CD96: variants seen among roughly 807,000 people sequenced by gnomAD.
The protein encoded by CD96 is T-cell surface protein tactile.
In CD96, 70 loss-of-function variants were observed where a neutral mutation model predicts 71.3. The ratio of observed to expected loss-of-function variants is 0.98; its 90% CI spans 0.81 to 1.20. The LOEUF (loss-of-function observed/expected upper bound fraction) is 1.20. CD96 is among the 50% of genes most tolerant of loss of function. The pLI, the probability that CD96 is intolerant of heterozygous loss-of-function variation, is 0.00. For missense variants in CD96, 742 were observed against 677.5 expected (o/e 1.10, Z -1.06); for synonymous variants, 248 against 233.0 (o/e 1.06, Z -0.59).
At chr3:111,648,178 T>C (rs1196818227) in intron 13 of CD96, among the ~76,000 whole-genome samples, 1 of 152,218 alleles carries the variant, frequency 6.6e-6, no homozygotes, top group Non-Finnish European at 1.5e-5. Context: ...CCCATTTTTG[T>C]CTTATTGAAA....
intron 13 of CD96, among the ~76,000 whole-genome samples, chr3:111,647,961 A>C (rs62275486): frequency 0.047 from 7,216 of 152,172 alleles, 209 homozygotes; most frequent in South Asian, 0.077. Context: ...CTCAAAACTA[A>C]AACTGATTTT....
intron 8 of CD96, among the ~76,000 whole-genome samples, chr3:111,618,955 A>T (rs1938385945): frequency 6.6e-6 from 1 of 152,046 alleles, no homozygotes; most frequent in Non-Finnish European, 1.5e-5. Context: ...TTTATTTGGC[A>T]TATAGTAGGT....
chr3:111,545,337 G>C lies in CD96; in HGVS notation c.353G>C (p.Cys118Ser), dbSNP rs139743881. 5.6e-6 allele frequency: 9 copies of C among 1,614,048 alleles called. No homozygotes were observed. Among genetic ancestry groups the C allele is most frequent in the Non-Finnish European group, 7.6e-6 (9 of 1,179,898 alleles). Residue 118 changes from cysteine (C) to serine (S), a missense_variant, in exon 2 of 14, where the codon TGT becomes TCT. Cys to Ser is a moderately radical substitution (Grantham distance 112). Transcript: ENST00000352690. The part of the protein sequence containing the change: ...MSCSVSGRYE[C>S]MLVLYPEGIQ... ...TGTTCAGTCAGTGGAAGGTACGAGT[G>C]TATGCTTGTTCTGTATCCAGAGGGC... is the stretch of plus-strand genomic sequence containing the variant.
intron 2 of CD96, among the ~76,000 whole-genome samples, chr3:111,553,427 CTTTTTTCT>C (rs1934823681): frequency 8.1e-6 from 1 of 123,160 alleles, no homozygotes; most frequent in South Asian, 2.6e-4. Context: ...TTTAGGTTTT[CTTTTTTCT>C]TTTTTTTTTT....
At chr3:111,562,657 A>G (rs980159765) in intron 2 of CD96, among the ~76,000 whole-genome samples, 2 of 152,244 alleles carry the variant, frequency 1.3e-5, no homozygotes, top group Non-Finnish European at 1.5e-5. Context: ...ACTTAAATCC[A>G]TTAGGCTTCC....
chr3:111,601,008 T>A, intron 7 of CD96, 94 bp downstream of exon 7: 1 of 816,352 alleles, frequency 1.2e-6, no homozygotes, highest in Non-Finnish European at 2.0e-6. Context: ...TTCCATAACG[T>A]TTTAATCTCA....
At chr3:111,586,628 A>G (rs1936727515) in intron 5 of CD96, among the ~76,000 whole-genome samples, 2 of 152,234 alleles carry the variant, frequency 1.3e-5, no homozygotes, top group Admixed American at 1.3e-4. Flanking sequence ...GCGGAAGGCA[A>G]GAAGGAGCAC....
chr3:111,623,261 G>T (rs1476099991), intron 8 of CD96, among the ~76,000 whole-genome samples: 12 of 151,958 alleles, frequency 7.9e-5, no homozygotes, highest in Non-Finnish European at 1.5e-4. Flanking sequence ...GGGGAGTGAG[G>T]GGGAAGGAAG....
rs546351621 is a variant in CD96 at position 111,562,162 on chromosome 3, C to T, written c.419-5361C>T. ...CCTCAGATGGAAATGCAGAAATCACCGGTCTTCTGCGTCGCTCACGTTGGG... is the reference window on the plus strand; with the variant it reads ...CCTCAGATGGAAATGCAGAAATCACTGGTCTTCTGCGTCGCTCACGTTGGG... On this transcript the variant is annotated intron_variant, in intron 2 of 13. Transcript: ENST00000352690. Among the ~76,000 whole-genome samples the T allele has an allele frequency of 3.3e-5, 5 of 152,328 alleles. No individual in the cohort carries two copies. The South Asian group carries it at 1.0e-3, about 32-fold the overall frequency.
chr3:111,585,466 A>G, intron 5 of CD96, 88 bp downstream of exon 5: 1 of 851,648 alleles, frequency 1.2e-6, no homozygotes, highest in Non-Finnish European at 2.0e-6. Context: ...TCTCTCAAAG[A>G]ACTTTACTCC....
chr3:111,587,502 C>G (rs961234080), intron 5 of CD96, among the ~76,000 whole-genome samples: 1 of 152,284 alleles, frequency 6.6e-6, no homozygotes, highest in East Asian at 1.9e-4. Flanking sequence ...GCACACAGTG[C>G]AAGCTGTCAC....
intron 8 of CD96, among the ~76,000 whole-genome samples, chr3:111,619,961 A>G (rs1938439563): frequency 6.6e-6 from 1 of 152,230 alleles, no homozygotes; most frequent in Admixed American, 6.5e-5. Flanking sequence ...TCTCACATCC[A>G]GTTCAACTCA....
intron 7 of CD96, among the ~76,000 whole-genome samples, chr3:111,605,226 T>C (rs946931549): frequency 6.6e-6 from 1 of 152,304 alleles, no homozygotes; most frequent in Non-Finnish European, 1.5e-5. Flanking sequence ...TGATGAGGCA[T>C]TTGCTAGGGT....
At chr3:111,634,768 T>TA (rs552605933) in intron 10 of CD96, among the ~76,000 whole-genome samples, 2 of 151,800 alleles carry the variant, frequency 1.3e-5, no homozygotes, top group Non-Finnish European at 2.9e-5. Context: ...TGGTGGCACA[T>TA]ACCTGTAATC....
chr3:111,626,988 T>C (rs1388256149), intron 10 of CD96, among the ~76,000 whole-genome samples: 2 of 152,176 alleles, frequency 1.3e-5, no homozygotes, highest in Non-Finnish European at 2.9e-5. Flanking sequence ...ATATAAGGGA[T>C]GAGACAGGGA....
At chr3:111,653,297 A>G (rs1474518087), downstream of CD96, among the ~76,000 whole-genome samples, 1 of 152,144 alleles carries the variant, frequency 6.6e-6, no homozygotes, top group East Asian at 1.9e-4. Flanking sequence ...ACAGGCACAT[A>G]AGTTAGATAT....
intron 1 of CD96, among the ~76,000 whole-genome samples, chr3:111,542,515 A>AGAAGG (rs2107446825): frequency 6.6e-6 from 1 of 152,298 alleles, no homozygotes; most frequent in South Asian, 2.1e-4. Flanking sequence ...ACTAAAAATA[A>AGAAGG]GAAGGGAATG....
chr3:111,638,914 C>T (rs1006460114), intron 12 of CD96, among the ~76,000 whole-genome samples: 19 of 152,266 alleles, frequency 1.2e-4, no homozygotes, highest in Admixed American at 9.2e-4. Context: ...AAATGGAGTT[C>T]TGTTTTTCCA....
At position 111,597,421 on chromosome 3, in the gene CD96, A is replaced by G. The variant is rs189145674; in HGVS notation, c.808-699A>G. 3.9e-5 allele frequency among the ~76,000 whole-genome samples: 6 copies of G among 152,280 alleles called. No individual in the cohort carries two copies. The South Asian group carries it at 6.2e-4, about 16-fold the overall frequency. ...GTTACTTCTTTCATTTTTTTATTTC[A>G]ATACAATTTTTATTAAAAAATATGT... On this transcript the variant is annotated intron_variant, in intron 5 of 13. Transcript: ENST00000352690.
Sources: allele counts gnomAD v4.1 joint callset (sites outside exome capture counted in the v4.1 genomes callset), GRCh38; gene constraint gnomAD v4.1.1; transcripts MANE v1.5; gene names NCBI Gene and HGNC (gene_info 2026-07-23, HGNC 2026-07-21).